The following NEGR1 variants were observed in gnomAD, a reference collection of about 807,000 sequenced individuals.
NEGR1 encodes neuronal growth regulator 1.
In NEGR1, 10 loss-of-function variants were observed where a neutral mutation model predicts 40.9. The ratio of observed to expected loss-of-function variants is 0.24; its 90% CI spans 0.15 to 0.42. The LOEUF (loss-of-function observed/expected upper bound fraction) is 0.42, where lower values mean the gene tolerates loss of function less well. Among genes scored for constraint, NEGR1 ranks in the 10% least tolerant of loss-of-function variants. The pLI is 1.00. For missense variants in NEGR1, 352 were observed against 438.9 expected (o/e 0.80, Z 1.77); for synonymous variants, 185 against 166.8 (o/e 1.11, Z -0.84).
intron 1 of NEGR1, among the ~76,000 whole-genome samples, chr1:71,972,896 G>A (rs1646269230): frequency 1.3e-5 from 2 of 152,002 alleles, no homozygotes; most frequent in Admixed American, 1.3e-4. Context: ...CAATAAACAC[G>A]GTTTTAAATA....
intron 4 of NEGR1, among the ~76,000 whole-genome samples, chr1:71,666,168 A>G (rs1312553032): frequency 6.6e-6 from 1 of 152,210 alleles, no homozygotes; most frequent in Non-Finnish European, 1.5e-5. Context: ...AAAACTTACC[A>G]TCACTCAAGA....
intron 2 of NEGR1, among the ~76,000 whole-genome samples, chr1:71,806,862 T>G (rs1657791274): frequency 6.6e-6 from 1 of 151,428 alleles, no homozygotes; most frequent in Non-Finnish European, 1.5e-5. Context: ...CACACAAACT[T>G]AAGTACTGCG....
At chr1:71,627,458 G>T (rs1223302057) in intron 4 of NEGR1, among the ~76,000 whole-genome samples, 1 of 152,004 alleles carries the variant, frequency 6.6e-6, no homozygotes, top group Non-Finnish European at 1.5e-5. Flanking sequence ...GACTCAGAAA[G>T]AAATCACAGA....
intron 1 of NEGR1, among the ~76,000 whole-genome samples, chr1:72,006,077 T>C (rs2100391477): frequency 6.6e-6 from 1 of 152,358 alleles, no homozygotes; most frequent in East Asian, 1.9e-4. Flanking sequence ...TCATGGCATT[T>C]ATTTAATTTA....
At chr1:72,117,929 A>G (rs568171768) in intron 1 of NEGR1, among the ~76,000 whole-genome samples, 5 of 151,900 alleles carry the variant, frequency 3.3e-5, no homozygotes, top group African/African-American at 1.2e-4. Context: ...AGAGAGGACT[A>G]TCTAAACACT....
At chr1:71,439,121 A>G (rs1646529827) in intron 6 of NEGR1, among the ~76,000 whole-genome samples, 3 of 152,002 alleles carry the variant, frequency 2.0e-5, no homozygotes, top group South Asian at 2.1e-4. Context: ...TCCACTTTCT[A>G]TCACTATTTT....
chr1:72,059,081 G>T (rs915249071), intron 1 of NEGR1, among the ~76,000 whole-genome samples: 1 of 151,568 alleles, frequency 6.6e-6, no homozygotes, highest in African/African-American at 2.4e-5. Context: ...GCAACACATT[G>T]ATTTCTTTTT....
chr1:72,231,946 T>C (rs1280620954), intron 1 of NEGR1, among the ~76,000 whole-genome samples: 1 of 152,166 alleles, frequency 6.6e-6, no homozygotes, highest in East Asian at 1.9e-4. Flanking sequence ...AGAGGAAATA[T>C]ACAACATATT....
intron 1 of NEGR1, among the ~76,000 whole-genome samples, chr1:72,013,963 TAAAAAAAAAAAAAA>T (rs1161156816): frequency 1.1e-5 from 1 of 88,490 alleles, no homozygotes; most frequent in African/African-American, 4.4e-5. Flanking sequence ...CTGTGAAAAA[TAAAAAAAAAAAAAA>T]AAAAAAAAAA....
intron 6 of NEGR1, among the ~76,000 whole-genome samples, chr1:71,533,008 C>T (rs910194615): frequency 6.6e-6 from 1 of 151,538 alleles, no homozygotes. Context: ...GCAACATATA[C>T]ACAGATGGTC....
intron 6 of NEGR1, among the ~76,000 whole-genome samples, chr1:71,430,945 G>T (rs1180262890): frequency 6.6e-6 from 1 of 151,936 alleles, no homozygotes; most frequent in Non-Finnish European, 1.5e-5. Flanking sequence ...ATTTTTAGTA[G>T]AGACAGGGTT....
At chr1:71,520,735 T>C (rs917969006) in intron 6 of NEGR1, among the ~76,000 whole-genome samples, 3 of 152,002 alleles carry the variant, frequency 2.0e-5, no homozygotes, top group African/African-American at 7.2e-5. Flanking sequence ...TAAAAGCATG[T>C]AAAATCAACT....
chr1:71,725,532 C>A (rs1263730969), intron 3 of NEGR1, among the ~76,000 whole-genome samples: 1 of 151,994 alleles, frequency 6.6e-6, no homozygotes, highest in Non-Finnish European at 1.5e-5. Context: ...AAGTAAGAAG[C>A]GTATGCTGAA....
chr1:71,682,370 T>C (rs1426487298), intron 4 of NEGR1, among the ~76,000 whole-genome samples: 2 of 152,224 alleles, frequency 1.3e-5, no homozygotes, highest in East Asian at 3.8e-4. Flanking sequence ...AAAAAGTTTT[T>C]GTAAAGTTTA....
intron 1 of NEGR1, chr1:72,275,201 C>T (rs1410254913): frequency 3.3e-6 from 2 of 602,384 alleles, no homozygotes; most frequent in South Asian, 2.1e-5. Flanking sequence ...GAAAATACAT[C>T]TTCACAAAAT....
chr1:72,176,942 A>G (rs537755178), intron 1 of NEGR1, among the ~76,000 whole-genome samples: 27 of 152,178 alleles, frequency 1.8e-4, no homozygotes, highest in African/African-American at 6.5e-4. Flanking sequence ...AGTCAGTTTC[A>G]AGATAAATTC....
intron 1 of NEGR1, among the ~76,000 whole-genome samples, chr1:72,210,464 C>T (rs186420463): frequency 6.6e-6 from 1 of 151,856 alleles, no homozygotes; most frequent in African/African-American, 2.4e-5. Context: ...CCACATTTTT[C>T]ATGGAAAACC....
intron 1 of NEGR1, among the ~76,000 whole-genome samples, chr1:72,090,013 A>T (rs1648399652): frequency 6.6e-6 from 1 of 152,138 alleles, no homozygotes; most frequent in African/African-American, 2.4e-5. Context: ...CAGATGACTA[A>T]CAGCTTGTTG....
chr1:72,024,153 C>T (rs1646786280), intron 1 of NEGR1, among the ~76,000 whole-genome samples: 1 of 152,136 alleles, frequency 6.6e-6, no homozygotes, highest in Admixed American at 6.5e-5. Flanking sequence ...ATTTCTCACA[C>T]ATAGCCAGCT....
Sources: allele counts gnomAD v4.1 joint callset (sites outside exome capture counted in the v4.1 genomes callset), GRCh38; gene constraint gnomAD v4.1.1; transcripts MANE v1.5; gene names NCBI Gene and HGNC (gene_info 2026-07-23, HGNC 2026-07-21).